Variants in SOX5 observed in about 807,000 individuals in gnomAD.
The protein encoded by SOX5 is transcription factor SOX-5.
SOX5 carries 9 observed loss-of-function variants against 92.0 expected under a neutral mutation model. The observed-to-expected ratio is 0.10, with a 90% confidence interval of 0.06 to 0.17. The LOEUF (loss-of-function observed/expected upper bound fraction) is 0.17. Ranked by LOEUF, SOX5 falls within the 10% of genes least tolerant of loss-of-function variation. The probability of loss-of-function intolerance (pLI) is 1.00; values close to 1 mark genes in which losing one functional copy is unlikely to be tolerated. For missense variants in SOX5, 642 were observed against 944.5 expected (o/e 0.68, Z 4.20); for synonymous variants, 344 against 336.3 (o/e 1.02, Z -0.25).
At chr12:24,327,385 CTTTTTTTTTTTTTTTTTTTTTTTTTTTTT>C (rs71063311) in intron 2 of SOX5, among the ~76,000 whole-genome samples, 5 of 56,656 alleles carry the variant, frequency 8.8e-5, no homozygotes, top group East Asian at 6.6e-4. Context: ...GCAATGGAGA[CTTTTTTTTTTTTTTTTTTTTTTTTTTTTT>C]TTTTTTTTTT....
Position 23,601,743 on chromosome 12 carries a change from A to G in SOX5, c.1164+2644T>C, listed in dbSNP as rs534199206. On this transcript the variant is annotated intron_variant, in intron 9 of 14. Transcript: ENST00000451604. ...TCATGTATTGTAATGGGTCCTCTTT[A>G]TTTATTATAGGTTGTATTTTTTTGG... 2.0e-5 allele frequency among the ~76,000 whole-genome samples: 3 copies of G among 152,236 alleles called. No homozygotes were observed. In the South Asian group the frequency reaches 6.2e-4, roughly 32 times the overall value.
chr12:24,467,388 G>A (rs769230564), intron 1 of SOX5, among the ~76,000 whole-genome samples: 3 of 152,162 alleles, frequency 2.0e-5, no homozygotes, highest in Non-Finnish European at 2.9e-5. Flanking sequence ...TACACACAGC[G>A]TGCAATGGGA....
chr12:24,511,617 G>A (rs991517646), intron 1 of SOX5, among the ~76,000 whole-genome samples: 3 of 152,112 alleles, frequency 2.0e-5, no homozygotes, highest in Admixed American at 6.5e-5. Context: ...TATTTAGGAG[G>A]TTGCTCAATA....
At chr12:23,832,065 G>A (rs997544730) in intron 3 of SOX5, among the ~76,000 whole-genome samples, 1 of 151,514 alleles carries the variant, frequency 6.6e-6, no homozygotes, top group Non-Finnish European at 1.5e-5. Flanking sequence ...AATAAACCAC[G>A]TAAAGGAAAG....
chr12:23,858,598 G>A (rs2096720638), intron 2 of SOX5, among the ~76,000 whole-genome samples: 1 of 152,138 alleles, frequency 6.6e-6, no homozygotes. Flanking sequence ...CTGTTGGTGG[G>A]AGTGTAAATT....
chr12:23,937,431 A>G (rs999227593), intron 1 of SOX5, among the ~76,000 whole-genome samples: 1 of 150,972 alleles, frequency 6.6e-6, no homozygotes, highest in African/African-American at 2.4e-5. Context: ...CTTTACTGAA[A>G]TAGTGATGAA....
Position 23,935,822 on chromosome 12 carries a change from TAAAG to T in SOX5, c.38+13738_38+13741del, listed in dbSNP as rs558046659. The stretch of plus-strand genomic sequence containing the variant: ...ATTTAAAATGTAGTTGTTGAATAAA[TAAAG>T]AAATATCTGCCACTAAAATAAATAA... On this transcript the variant is annotated intron_variant, in intron 1 of 14. Transcript: ENST00000451604. Among the ~76,000 whole-genome samples, 245 of 151,310 alleles carry T rather than the reference TAAAG, an allele frequency of 1.6e-3. 2 individuals are homozygous for T. The highest frequency in any genetic ancestry group is 5.4e-3 in the African/African-American group (224 of 41,462).
intron 4 of SOX5, among the ~76,000 whole-genome samples, chr12:24,208,320 T>C (rs759280503): frequency 1.2e-4 from 19 of 152,160 alleles, no homozygotes; most frequent in Non-Finnish European, 2.5e-4. Flanking sequence ...AACAAAAAGT[T>C]TTAATGACTC....
chr12:24,103,621 C>A (rs1946344925), intron 4 of SOX5, among the ~76,000 whole-genome samples: 2 of 152,094 alleles, frequency 1.3e-5, no homozygotes, highest in South Asian at 4.2e-4. Flanking sequence ...CTCCCAATAT[C>A]ATTATCTGAA....
chr12:24,073,423 C>A (rs1194059466), intron 4 of SOX5, among the ~76,000 whole-genome samples: 1 of 152,190 alleles, frequency 6.6e-6, no homozygotes, highest in Non-Finnish European at 1.5e-5. Context: ...CTATACTCCT[C>A]CATTTACTGT....
At chr12:23,732,270 T>C (rs1206378263) in intron 6 of SOX5, among the ~76,000 whole-genome samples, 2 of 152,120 alleles carry the variant, frequency 1.3e-5, no homozygotes, top group Non-Finnish European at 2.9e-5. Context: ...AATTAGTCTG[T>C]TCTACATTTT....
At chr12:24,054,286 G>A (rs1001268372) in intron 4 of SOX5, among the ~76,000 whole-genome samples, 3 of 152,128 alleles carry the variant, frequency 2.0e-5, no homozygotes, top group Admixed American at 6.5e-5. Context: ...TGGCCCCAGG[G>A]TTACTGCCAA....
Position 24,219,025 on chromosome 12 carries a change from A to G in SOX5, c.-76-5608T>C, listed in dbSNP as rs566439406. Among the ~76,000 whole-genome samples, 66 of 152,212 alleles carry G rather than the reference A, an allele frequency of 4.3e-4. 1 individual carries two copies. The highest frequency in any genetic ancestry group is 4.0e-3 in the Admixed American group (61 of 15,298). ...GTTTGTTAATAGTTGGAAATCATAG[A>G]CATTTTAGAATTTTGTAAAACCATA... On this transcript the variant is annotated intron_variant, in intron 3 of 4. Coordinates refer to the SOX5 transcript ENST00000446891.
chr12:24,407,998 GA>G (rs1398126504), intron 1 of SOX5, among the ~76,000 whole-genome samples: 1 of 152,166 alleles, frequency 6.6e-6, no homozygotes. Flanking sequence ...ACTGTTCAAA[GA>G]AAAACCTTTC....
At chr12:24,117,089 T>A (rs546617401) in intron 4 of SOX5, among the ~76,000 whole-genome samples, 4 of 151,240 alleles carry the variant, frequency 2.6e-5, no homozygotes, top group African/African-American at 9.7e-5. Flanking sequence ...ATCCAAAATA[T>A]AGAGGGAATT....
At chr12:24,463,687 G>C (rs117034903) in intron 1 of SOX5, among the ~76,000 whole-genome samples, 2 of 152,162 alleles carry the variant, frequency 1.3e-5, no homozygotes, top group African/African-American at 4.8e-5. Context: ...AGAGATTATA[G>C]GGAGAGCACT....
At chr12:24,187,604 A>G (rs1296252548) in intron 4 of SOX5, among the ~76,000 whole-genome samples, 1 of 151,820 alleles carries the variant, frequency 6.6e-6, no homozygotes, top group Non-Finnish European at 1.5e-5. Context: ...CCCTTTCTCT[A>G]GTTTCATTTT....
intron 4 of SOX5, among the ~76,000 whole-genome samples, chr12:23,963,976 AAACC>A (rs1056225745): frequency 2.0e-5 from 3 of 152,012 alleles, no homozygotes; most frequent in Non-Finnish European, 2.9e-5. Context: ...AAACCAAACT[AAACC>A]AACCAACCAA....
intron 9 of SOX5, among the ~76,000 whole-genome samples, chr12:23,590,778 A>G (rs1330168092): frequency 1.3e-5 from 2 of 152,030 alleles, no homozygotes; most frequent in African/African-American, 2.4e-5. Flanking sequence ...GTAATTCTAG[A>G]AGGCTCATCT....
Sources: allele counts gnomAD v4.1 joint callset (sites outside exome capture counted in the v4.1 genomes callset), GRCh38; gene constraint gnomAD v4.1.1; transcripts MANE v1.5; gene names NCBI Gene and HGNC (gene_info 2026-07-23, HGNC 2026-07-21).